ZNF442: variants seen among roughly 807,000 people sequenced by gnomAD.
The protein encoded by ZNF442 is zinc finger protein 442.
Under a neutral mutation model 57.0 loss-of-function variants are expected in ZNF442, and 45 were observed. The observed-to-expected ratio is 0.79, with a 90% confidence interval of 0.62 to 1.01. ZNF442 has a LOEUF of 1.01. ZNF442 is among the 50% of genes least tolerant of loss of function. The probability of loss-of-function intolerance (pLI) is 0.00; values close to 1 mark genes in which losing one functional copy is unlikely to be tolerated. For missense variants in ZNF442, 690 were observed against 756.5 expected (o/e 0.91, Z 1.03); for synonymous variants, 213 against 241.8 (o/e 0.88, Z 1.10).
In ZNF442 at chr19:12,363,625, C is replaced by T. The variant is rs761966510; in HGVS notation, c.7G>A (p.Val3Ile). 4.3e-6 allele frequency: 7 copies of T among 1,614,146 alleles called. No individual in the cohort carries two copies. Among genetic ancestry groups the T allele is most frequent in the Non-Finnish European group, 5.9e-6 (7 of 1,180,000 alleles). MI[V>I]FGGEDRSDLF... The stretch of plus-strand genomic sequence containing the variant: ...TCACTTCTGTCTTCTCCCCCAAATA[C>T]AATCATTCAACTGGCTGACCAGCCG... Residue 3 changes from valine (V) to isoleucine (I), a missense_variant, in exon 3 of 6, where the codon GTA (valine) becomes ATA (isoleucine). Physicochemically the swap from Val to Ile is conservative, Grantham distance 29. Coordinates refer to ENST00000242804, the MANE Select transcript of ZNF442 (RefSeq NM_030824.3).
rs1969137043 is a variant in ZNF442 at position 12,346,774 on chromosome 19, T to A, written c.*2927A>T. 1 of 152,170 alleles carries A rather than the reference T, an allele frequency of 6.6e-6. No individual in the cohort carries two copies. The allele number at this position is 152,170 out of a possible 1,614,324, so 9.4% of individuals were successfully genotyped here. ...GAAATTTATTCAGACACAAAAACAA[T>A]GAGTTCCTGATACATGCTACCACAT... On this transcript the variant is annotated 3_prime_UTR_variant, in exon 6 of 6. Transcript: ENST00000242804.
rs1443360793 is a variant in ZNF442 at position 12,350,740 on chromosome 19, CT to C, written c.844del (p.Arg282AspfsTer59). 4.3e-6 allele frequency: 7 copies of C among 1,613,950 alleles called. No homozygotes were observed. Among genetic ancestry groups the C allele is most frequent in the Admixed American group, 3.3e-5 (2 of 59,996 alleles). ...KAFPDYSSYV[R>X]HERTHTGEKP... ...TTCTCCAGTGTGAGTTCTTTCATGT[CT>C]TACATAGGAACTGTAATCAGGGAAG... On this transcript the variant is annotated frameshift_variant, in exon 6 of 6. Coordinates refer to ENST00000242804, the MANE Select transcript of ZNF442 (RefSeq NM_030824.3). LOFTEE classifies it high-confidence loss of function.
rs1845591649 is a variant in ZNF442, at chr19:12,365,541, G to A, written c.-491C>T. ...GGGCCCCGCACACTCACCATTTCCC[G>A]GCTTCCGCGGTGTCCCGTGTTCTCC... On this transcript the variant is annotated 5_prime_UTR_variant, in exon 1 of 6. Coordinates refer to ENST00000242804, the MANE Select transcript of ZNF442 (RefSeq NM_030824.3). 1 of 562,046 alleles carries A rather than the reference G, an allele frequency of 1.8e-6. No homozygotes were observed. The highest frequency in any genetic ancestry group is 1.8e-5 in the South Asian group (1 of 54,750). The allele number at this position is 562,046 out of a possible 1,614,324, so 34.8% of individuals were successfully genotyped here. A position where few individuals can be genotyped will look rare whatever the true frequency, so the allele number is the denominator to read the frequency against.
chr19:12,352,145 T>C (rs1969249964), intron 4 of ZNF442, 75 bp from the exon 5 acceptor site: 5 of 1,405,268 alleles, frequency 3.6e-6, no homozygotes, highest in Non-Finnish European at 5.0e-6. Flanking sequence ...TTATGTACAA[T>C]GGAATCATGC....
At chr19:12,356,627 C>CAAAAAAAAAAAA (rs902166496) in intron 3 of ZNF442, among the ~76,000 whole-genome samples, 9 of 133,808 alleles carry the variant, frequency 6.7e-5, no homozygotes, top group African/African-American at 2.4e-4. Context: ...AACTCCGTCT[C>CAAAAAAAAAAAA]AAAAAAAAAA....
At chr19:12,373,275 C>T in the ZNF442 span, among the ~76,000 whole-genome samples, 1 of 152,156 alleles carries the variant, frequency 6.6e-6, no homozygotes, top group Non-Finnish European at 1.5e-5. Context: ...GTGAGTGGCT[C>T]ACGCCTGTAA....
chr19:12,368,272 G>T (rs1362433715), upstream of ZNF442, among the ~76,000 whole-genome samples: 2 of 152,164 alleles, frequency 1.3e-5, no homozygotes, highest in African/African-American at 4.8e-5. Flanking sequence ...AAGATAACAG[G>T]ATTAAGAGAT....
At chr19:12,352,883 G>A in intron 4 of ZNF442, 105 bp downstream of exon 4, 1 of 1,379,496 alleles carries the variant, frequency 7.2e-7, no homozygotes, top group East Asian at 2.5e-5. Context: ...TGTTGTTGAA[G>A]GGTCAACTAT....
At chr19:12,367,105 GA>G, upstream of ZNF442, among the ~76,000 whole-genome samples, 2 of 152,308 alleles carry the variant, frequency 1.3e-5, no homozygotes, top group Admixed American at 1.3e-4. Context: ...CCCAGCTGAA[GA>G]GTGACTACTA....
the ZNF442 span, among the ~76,000 whole-genome samples, chr19:12,371,220 T>G: frequency 2.0e-5 from 3 of 152,208 alleles, no homozygotes; most frequent in African/African-American, 7.2e-5. Flanking sequence ...CAAGACAAAT[T>G]GGCAAGTTTG....
intron 4 of ZNF442, 90 bp downstream of exon 4, chr19:12,352,898 C>A: frequency 2.0e-6 from 3 of 1,491,642 alleles, no homozygotes; most frequent in Non-Finnish European, 2.7e-6. Context: ...AACTATATCC[C>A]CTTTCGGTAT....
At chr19:12,352,604 A>G (rs1412131715) in intron 4 of ZNF442, among the ~76,000 whole-genome samples, 3 of 152,200 alleles carry the variant, frequency 2.0e-5, no homozygotes, top group African/African-American at 4.8e-5. Context: ...TGAGAAGACA[A>G]TGAGGATGAA....
chr19:12,353,654 C>T (rs1270056890), intron 3 of ZNF442, among the ~76,000 whole-genome samples: 1 of 152,074 alleles, frequency 6.6e-6, no homozygotes, highest in African/African-American at 2.4e-5. Context: ...GTTACATGCT[C>T]AGCAGTGGGA....
chr19:12,368,055 A>G (rs1161495327), upstream of ZNF442, among the ~76,000 whole-genome samples: 1 of 152,328 alleles, frequency 6.6e-6, no homozygotes, highest in Middle Eastern at 3.4e-3. Context: ...TCTCTGCAAG[A>G]AGAAAAATAT....
At chr19:12,367,623 C>T (rs2144854382), upstream of ZNF442, among the ~76,000 whole-genome samples, 1 of 152,200 alleles carries the variant, frequency 6.6e-6, no homozygotes, top group South Asian at 2.1e-4. Flanking sequence ...ATCTATAGAC[C>T]TACCCCCAGG....
chr19:12,361,141 A>G (rs888458858), intron 3 of ZNF442, among the ~76,000 whole-genome samples: 1 of 152,228 alleles, frequency 6.6e-6, no homozygotes, highest in African/African-American at 2.4e-5. Flanking sequence ...CAGTGAGCCG[A>G]GATTGTGCCA....
chr19:12,363,627 A>G lies in ZNF442; in HGVS notation c.5T>C (p.Ile2Thr), dbSNP rs2144845704. M[I>T]VFGGEDRSDL... is the part of the protein sequence containing the mutation. ...ACTTCTGTCTTCTCCCCCAAATACA[A>G]TCATTCAACTGGCTGACCAGCCGTG... The change falls in exon 3 of 6, where the codon ATT (isoleucine) becomes ACT (threonine). Residue 2 changes from isoleucine to threonine, a missense_variant. Physicochemically the swap from Ile to Thr is moderately conservative, Grantham distance 89. Coordinates refer to ENST00000242804, the MANE Select transcript of ZNF442 (RefSeq NM_030824.3). The G allele has an allele frequency of 1.9e-6, 3 of 1,614,138 alleles. No individual in the cohort carries two copies. The highest frequency in any genetic ancestry group is 2.5e-6 in the Non-Finnish European group (3 of 1,179,960).
chr19:12,361,346 A>G (rs1352765990), intron 3 of ZNF442, among the ~76,000 whole-genome samples: 1 of 152,242 alleles, frequency 6.6e-6, no homozygotes, highest in Non-Finnish European at 1.5e-5. Context: ...GTCCTGTGCC[A>G]CAGCATTTAG....
intron 3 of ZNF442, among the ~76,000 whole-genome samples, chr19:12,355,891 C>T (rs117765308): frequency 0.046 from 6,988 of 151,908 alleles, 255 homozygotes; most frequent in Admixed American, 0.12. Context: ...TCCCAGCTAC[C>T]TAGGAGGCTG....
Sources: gnomAD v4.1 joint callset for allele counts (sites outside exome capture counted in the v4.1 genomes callset) on GRCh38, gnomAD v4.1.1 for gene constraint, MANE v1.5 for transcripts, NCBI Gene and HGNC (gene_info 2026-07-23, HGNC 2026-07-21) for gene names.